CRIM1: variants seen among roughly 807,000 people sequenced by gnomAD.
The protein encoded by CRIM1 is cysteine-rich motor neuron 1 protein.
Under a neutral mutation model 116.4 loss-of-function variants are expected in CRIM1, and 32 were observed. The ratio of observed to expected loss-of-function variants is 0.27; its 90% CI spans 0.21 to 0.37. The LOEUF is 0.37. Among genes scored for constraint, CRIM1 ranks in the 10% least tolerant of loss-of-function variants. The probability of loss-of-function intolerance (pLI) is 1.00; values close to 1 mark genes in which losing one functional copy is unlikely to be tolerated. For missense variants in CRIM1, 1,331 were observed against 1,354.8 expected (o/e 0.98, Z 0.28); for synonymous variants, 590 against 509.2 (o/e 1.16, Z -2.13).
At chr2:36,471,900 G>A (rs1025883783) in intron 5 of CRIM1, among the ~76,000 whole-genome samples, 18 of 152,188 alleles carry the variant, frequency 1.2e-4, no homozygotes, top group Non-Finnish European at 1.8e-4. Flanking sequence ...CAAAAAGTTT[G>A]TGTGACTTGC....
chr2:36,537,389 T>C lies in CRIM1; in HGVS notation c.2466T>C (p.Ser822=), dbSNP rs764828045. ...TIPKKVVCHF[S]GKAYADEERW... is the part of the protein sequence containing the mutation. ...CAAAGAAGGTGGTGTGCCACTTCAG[T>C]GGGAAGGCCTATGCCGACGAGGAGC... The change falls in exon 14 of 17, where the codon AGT becomes AGC. Residue 822 remains serine, a synonymous_variant. Coordinates refer to ENST00000280527, the MANE Select transcript of CRIM1 (RefSeq NM_016441.3). 1 of 1,614,258 alleles carries C rather than the reference T, an allele frequency of 6.2e-7. No homozygotes were observed. Among genetic ancestry groups the C allele is most frequent in the South Asian group, 1.1e-5 (1 of 91,092 alleles).
chr2:36,483,727 A>G (rs1402026592), intron 7 of CRIM1, among the ~76,000 whole-genome samples: 1 of 152,216 alleles, frequency 6.6e-6, no homozygotes, highest in African/African-American at 2.4e-5. Flanking sequence ...AAATTTTTAA[A>G]TGAGTAAATA....
Position 36,488,185 on chromosome 2 carries a change from G to C in CRIM1, c.1372+8491G>C, listed in dbSNP as rs546901890. Among the ~76,000 whole-genome samples, 13 of 152,244 alleles carry C rather than the reference G, an allele frequency of 8.5e-5. No individual in the cohort carries two copies. The South Asian group carries it at 2.7e-3, about 32-fold the overall frequency. ...ACCCCCATTAGAACTTTTCTGTGTT[G>C]TATCTATCTGATTATTGAAGATACA... On this transcript the variant is annotated intron_variant, in intron 7 of 16. Coordinates refer to ENST00000280527, the MANE Select transcript of CRIM1 (RefSeq NM_016441.3).
At chr2:36,481,756 A>G (rs1679434393) in intron 7 of CRIM1, among the ~76,000 whole-genome samples, 2 of 152,094 alleles carry the variant, frequency 1.3e-5, no homozygotes, top group Non-Finnish European at 2.9e-5. Context: ...TGGCTGAGTG[A>G]AGATCAACGG....
At chr2:36,370,529 A>C (rs967342464) in intron 1 of CRIM1, among the ~76,000 whole-genome samples, 1 of 152,240 alleles carries the variant, frequency 6.6e-6, no homozygotes, top group Non-Finnish European at 1.5e-5. Flanking sequence ...CTTGAGGGAG[A>C]TAAAGTATTT....
intron 4 of CRIM1, among the ~76,000 whole-genome samples, chr2:36,452,116 G>GT (rs35082131): frequency 1.9e-3 from 277 of 143,922 alleles, no homozygotes; most frequent in African/African-American, 3.9e-3. Context: ...AACAGTTTGG[G>GT]TTTTTTTTTT....
Position 36,537,422 on chromosome 2 carries a change from C to A in CRIM1, c.2499C>A (p.Asp833Glu), listed in dbSNP as rs2125168203. Residue 833 changes from aspartate (D) to glutamate (E), a missense_variant, in exon 14 of 17, where the codon GAC becomes GAA. Transcript: ENST00000280527. ...GKAYADEERWDLDSCTHCYCL... is the reference protein window; with the variant it reads ...GKAYADEERWELDSCTHCYCL... ...CCTATGCCGACGAGGAGCGGTGGGACCTTGACAGCTGCACCCACTGCTACT... is the reference window on the plus strand; with the variant it reads ...CCTATGCCGACGAGGAGCGGTGGGAACTTGACAGCTGCACCCACTGCTACT... 6.2e-7 allele frequency: 1 copy of A among 1,614,126 alleles called. No homozygotes were observed. Among genetic ancestry groups the A allele is most frequent in the Middle Eastern group, 1.6e-4 (1 of 6,062 alleles).
At chr2:36,371,762 T>C (rs1473947274) in intron 1 of CRIM1, among the ~76,000 whole-genome samples, 21 of 152,212 alleles carry the variant, frequency 1.4e-4, no homozygotes, top group Admixed American at 1.2e-3. Context: ...CCTTATCAGC[T>C]TATAGGAATT....
intron 1 of CRIM1, among the ~76,000 whole-genome samples, chr2:36,361,200 A>G (rs1236909922): frequency 6.6e-6 from 1 of 152,160 alleles, no homozygotes; most frequent in Non-Finnish European, 1.5e-5. Context: ...TGGATTGTGT[A>G]TTATCAGAAT....
chr2:36,494,106 C>G (rs1306333831), intron 7 of CRIM1, among the ~76,000 whole-genome samples: 1 of 152,160 alleles, frequency 6.6e-6, no homozygotes, highest in African/African-American at 2.4e-5. Flanking sequence ...TTTATAACAC[C>G]TGAATAACCG....
intron 1 of CRIM1, among the ~76,000 whole-genome samples, chr2:36,372,684 C>G (rs2148309808): frequency 6.6e-6 from 1 of 152,250 alleles, no homozygotes; most frequent in African/African-American, 2.4e-5. Flanking sequence ...GCGGCATGGC[C>G]CTTCAGCTTT....
chr2:36,487,332 T>G (rs1202689244), intron 7 of CRIM1, among the ~76,000 whole-genome samples: 1 of 152,172 alleles, frequency 6.6e-6, no homozygotes, highest in East Asian at 1.9e-4. Flanking sequence ...CATACTAAAA[T>G]GTACATATTC....
At chr2:36,384,295 G>T (rs1671006777) in intron 1 of CRIM1, among the ~76,000 whole-genome samples, 1 of 152,190 alleles carries the variant, frequency 6.6e-6, no homozygotes, top group African/African-American at 2.4e-5. Context: ...ACAGTGGGAG[G>T]TAACTGGACG....
chr2:36,466,340 C>A lies in CRIM1; in HGVS notation c.991+1685C>A, dbSNP rs182377079. Among the ~76,000 whole-genome samples, 6 of 152,224 alleles carry A rather than the reference C, an allele frequency of 3.9e-5. No individual in the cohort carries two copies. The East Asian group carries it at 1.2e-3, about 29-fold the overall frequency. On this transcript the variant is annotated intron_variant, in intron 5 of 16. Coordinates refer to ENST00000280527, the MANE Select transcript of CRIM1 (RefSeq NM_016441.3). ...AGGGGAACAGAAAAAGTTCTGTGCA[C>A]TTAAATCACCTCTCGGTGCTTCTCC...
At chr2:36,512,238 A>ATTTTC in intron 9 of CRIM1, 35 bp from the exon 10 acceptor site, 1 of 1,602,526 alleles carries the variant, frequency 6.2e-7, no homozygotes, top group South Asian at 1.1e-5. Flanking sequence ...AGACTTTGTG[A>ATTTTC]TTTTCTGACC....
intron 13 of CRIM1, among the ~76,000 whole-genome samples, chr2:36,535,938 C>T (rs186164448): frequency 2.0e-4 from 30 of 152,234 alleles, no homozygotes; most frequent in Admixed American, 1.3e-3. Flanking sequence ...ACAAATACTA[C>T]GCTGTTTTAT....
At position 36,399,876 on chromosome 2, in the gene CRIM1, A is replaced by G. The variant is rs538895908; in HGVS notation, c.505+3089A>G. The stretch of plus-strand genomic sequence containing the variant: ...GAGAAAGAGGAAAATGTAAACAGAC[A>G]TCTTTAAAGGAGAGGACAAATGAAT... On this transcript the variant is annotated intron_variant, in intron 2 of 16. Transcript: ENST00000280527. 5.9e-5 allele frequency among the ~76,000 whole-genome samples: 9 copies of G among 152,362 alleles called. 1 individual carries two copies. Among genetic ancestry groups the G allele is most frequent in the East Asian group, 1.9e-4 (1 of 5,186 alleles).
intron 7 of CRIM1, among the ~76,000 whole-genome samples, chr2:36,486,922 A>T (rs909532851): frequency 1.3e-5 from 2 of 152,218 alleles, no homozygotes; most frequent in African/African-American, 4.8e-5. Context: ...ACTCTTAGGC[A>T]ACCAAACAGA....
In CRIM1 at chr2:36,477,043, C is replaced by T. The variant is rs759007215; in HGVS notation, c.1146C>T (p.Pro382=). 17 of 1,613,246 alleles carry T rather than the reference C, an allele frequency of 1.1e-5. No homozygotes were observed. The highest frequency in any genetic ancestry group is 6.6e-5 in the South Asian group (6 of 90,960). The stretch of plus-strand genomic sequence containing the variant: ...TAAACTGCGAGAGGTACTACGTGCC[C>T]GAAGGAGAGTGCTGCCCAGTGTGTG... ...GEINCERYYV[P]EGECCPVCED... is the part of the protein sequence containing the mutation. Residue 382 remains proline, a synonymous_variant, in exon 6 of 17, where the codon CCC becomes CCT. Transcript: ENST00000280527.
Sources: allele counts gnomAD v4.1 joint callset (sites outside exome capture counted in the v4.1 genomes callset), GRCh38; gene constraint gnomAD v4.1.1; transcripts MANE v1.5; gene names NCBI Gene and HGNC (gene_info 2026-07-23, HGNC 2026-07-21).